CPAMD8: variants seen among roughly 807,000 people sequenced by gnomAD.
CPAMD8 encodes C3 and PZP like alpha-2-macroglobulin domain containing 8, also known as C3 and PZP-like alpha-2-macroglobulin domain-containing protein 8.
CPAMD8 carries 146 observed loss-of-function variants against 224.7 expected under a neutral mutation model. The observed-to-expected ratio is 0.65, with a 90% CI of 0.57 to 0.75. The LOEUF is 0.75. Ranked by LOEUF, CPAMD8 falls within the 30% of genes least tolerant of loss-of-function variation. The pLI is 0.00. For synonymous variants in CPAMD8, 966 were observed against 1,044.6 expected (o/e 0.92, Z 1.45); for missense variants, 2,301 against 2,537.5 (o/e 0.91, Z 2.00).
At position 16,959,720 on chromosome 19, in the gene CPAMD8, T is replaced by C. The variant is rs12981773; in HGVS notation, c.2214-1805A>G. 7.3e-3 allele frequency among the ~76,000 whole-genome samples: 1,111 copies of C among 152,068 alleles called. 6 individuals carry two copies. Among genetic ancestry groups the C allele is most frequent in the Non-Finnish European group, 9.3e-3 (633 of 68,008 alleles). ...CATGTCCGGCTAATTTTTGTATTTT[T>C]AGTAGAGATGGGGTTTCACCATATT... On this transcript the variant is annotated intron_variant, in intron 18 of 41. Transcript: ENST00000443236.
chr19:16,914,095 C>T (rs1213045754), intron 29 of CPAMD8, among the ~76,000 whole-genome samples: 1 of 152,108 alleles, frequency 6.6e-6, no homozygotes, highest in Non-Finnish European at 1.5e-5. Flanking sequence ...GGGTCACTGG[C>T]CAGGAACCTG....
At chr19:16,943,010 TC>T (rs1279899918) in intron 22 of CPAMD8, among the ~76,000 whole-genome samples, 4,609 of 88,164 alleles carry the variant, frequency 0.052, 254 homozygotes, top group African/African-American at 0.19. Flanking sequence ...TTTTCTTTTT[TC>T]TTTTTTTTTT....
chr19:16,944,520 C>T lies in CPAMD8; in HGVS notation c.2793+1029G>A, dbSNP rs531211845. The stretch of plus-strand genomic sequence containing the variant: ...CCAGGTTCTGCAGCTCGGAGGGGCT[C>T]GCTGCCTCCTTCTTGGGCCTTAGGA... On this transcript the variant is annotated intron_variant, in intron 22 of 41. Transcript: ENST00000443236. Among the ~76,000 whole-genome samples, 55 of 152,246 alleles carry T rather than the reference C, an allele frequency of 3.6e-4. No individual in the cohort carries two copies. The East Asian group carries it at 3.9e-3, about 11-fold the overall frequency.
At chr19:16,930,804 T>G (rs757313025) in intron 23 of CPAMD8, among the ~76,000 whole-genome samples, 3 of 152,090 alleles carry the variant, frequency 2.0e-5, no homozygotes, top group Non-Finnish European at 4.4e-5. Flanking sequence ...GGGCACCGTA[T>G]CGAGATCCTA....
Position 17,011,502 on chromosome 19 carries a change from A to G in CPAMD8, c.448T>C (p.Phe150Leu). 6.2e-7 allele frequency: 1 copy of G among 1,614,228 alleles called. No homozygotes were observed. The stretch of plus-strand genomic sequence containing the variant: ...GGCCTCAGATTTGGAGAGACGGTGA[A>G]GATGCTTATGAGCACTAGAAGAAAG... ...RPQHRVLISI[F>L]TVSPNLRPVN... The change falls in exon 5 of 42, where the codon TTC becomes CTC. Residue 150 changes from phenylalanine (F) to leucine (L), a missense_variant. Coordinates refer to ENST00000443236, the MANE Select transcript of CPAMD8 (RefSeq NM_015692.5).
rs936090447 is a variant in CPAMD8 at position 16,999,424 on chromosome 19, CA to C, written c.867+989del. On this transcript the variant is annotated intron_variant, in intron 10 of 41. Coordinates refer to ENST00000443236, the MANE Select transcript of CPAMD8 (RefSeq NM_015692.5). The stretch of plus-strand genomic sequence containing the variant: ...TGAAACCCCGTCTCTACTAAAAATA[CA>C]AAAAAAAAAATTAGCCGGGTGTTGT... Among the ~76,000 whole-genome samples, 553 of 144,650 alleles carry C rather than the reference CA, an allele frequency of 3.8e-3. 1 individual carries two copies. Among genetic ancestry groups the C allele is most frequent in the Middle Eastern group, 3.6e-3 (1 of 280 alleles). The allele number at this position is 144,650 out of a possible 152,430, so 94.9% of individuals were successfully genotyped here.
At chr19:16,926,552 G>A (rs537864118) in intron 25 of CPAMD8, among the ~76,000 whole-genome samples, 135 of 152,088 alleles carry the variant, frequency 8.9e-4, no homozygotes, top group Non-Finnish European at 1.2e-3. Flanking sequence ...TCTTGATCTC[G>A]TTATCCACCT....
At chr19:16,997,397 G>A in intron 10 of CPAMD8, 59 bp from the exon 11 acceptor site, 1 of 1,018,894 alleles carries the variant, frequency 9.8e-7, no homozygotes, top group Non-Finnish European at 1.5e-6. Flanking sequence ...TTTGAGGGAT[G>A]TCCCTGAAAC....
chr19:17,014,115 G>A (rs910281394), intron 3 of CPAMD8, among the ~76,000 whole-genome samples: 2 of 152,000 alleles, frequency 1.3e-5, no homozygotes, highest in African/African-American at 2.4e-5. Context: ...CCAATGGTGC[G>A]ATCAGAGCTC....
At chr19:16,944,136 G>A (rs962219694) in intron 22 of CPAMD8, among the ~76,000 whole-genome samples, 6 of 152,288 alleles carry the variant, frequency 3.9e-5, no homozygotes, top group Admixed American at 1.3e-4. Context: ...CCCATGCATC[G>A]TATTCAGCTT....
At chr19:16,941,074 G>A (rs889935459) in intron 22 of CPAMD8, among the ~76,000 whole-genome samples, 30 of 152,162 alleles carry the variant, frequency 2.0e-4, no homozygotes, top group Admixed American at 5.2e-4. Flanking sequence ...GGGATTACAG[G>A]TGCCTGCCAC....
At position 16,899,355 on chromosome 19, in the gene CPAMD8, C is replaced by T; in HGVS notation, c.4848+120G>A. ...TACAGGCATGAGCCACCATGCCCGG[C>T]CCCAGTGTCTTTTTTATGGTACAAG... On this transcript the variant is annotated intron_variant, in intron 37 of 41. Coordinates refer to ENST00000443236, the MANE Select transcript of CPAMD8 (RefSeq NM_015692.5). The surrounding 1 kb of genome is among the most constrained non-coding windows in gnomAD (Gnocchi z 5.4). The T allele has an allele frequency of 1.6e-6, 1 of 644,320 alleles. No homozygotes were observed. The highest frequency in any genetic ancestry group is 2.9e-6 in the Non-Finnish European group (1 of 347,486). 39.9% of individuals were successfully genotyped at this position (644,320 alleles called of 1,614,324 possible). A position where few individuals can be genotyped will look rare whatever the true frequency, so the allele number is the denominator to read the frequency against.
intron 14 of CPAMD8, among the ~76,000 whole-genome samples, chr19:16,979,768 T>G (rs145926320): frequency 2.0e-5 from 3 of 151,708 alleles, no homozygotes; most frequent in African/African-American, 7.3e-5. Context: ...CTTGCCCAAA[T>G]GTTGATAGTG....
At chr19:16,896,769 C>T (rs1259804586) in intron 39 of CPAMD8, 104 bp from the exon 40 acceptor site, 2 of 793,338 alleles carry the variant, frequency 2.5e-6, no homozygotes, top group African/African-American at 1.8e-5. Context: ...GGGCCCACTA[C>T]CCCCTCGGTG....
In CPAMD8 at chr19:16,952,150, G is replaced by C; in HGVS notation, c.2327C>G (p.Thr776Ser). Residue 776 changes from threonine (T) to serine (S), a missense_variant, in exon 20 of 42, where the codon ACC becomes AGC. Thr to Ser is a moderately conservative substitution (Grantham distance 58). Coordinates refer to ENST00000443236, the MANE Select transcript of CPAMD8 (RefSeq NM_015692.5). Reference sequence around the variant, plus strand: ...GGCCACGGCCTCACCCACCCAGCTGGTGATGGAGTCCGGGACCTTCACACT... The same window carrying C: ...GGCCACGGCCTCACCCACCCAGCTGCTGATGGAGTCCGGGACCTTCACACT... ...TLSVKVPDSITSWVGEAVALS... is the reference protein window; with the variant it reads ...TLSVKVPDSISSWVGEAVALS... The C allele has an allele frequency of 6.4e-7, 1 of 1,551,576 alleles. No individual in the cohort carries two copies. The highest frequency in any genetic ancestry group is 8.7e-7 in the Non-Finnish European group (1 of 1,146,854).
intron 18 of CPAMD8, among the ~76,000 whole-genome samples, chr19:16,963,043 C>T (rs1599792987): frequency 1.3e-5 from 2 of 152,146 alleles, no homozygotes; most frequent in South Asian, 4.1e-4. Context: ...CTGAAGGAAG[C>T]ACTAAACATA....
intron 13 of CPAMD8, among the ~76,000 whole-genome samples, chr19:16,984,710 A>C (rs761890968): frequency 6.6e-6 from 1 of 152,148 alleles, no homozygotes; most frequent in Non-Finnish European, 1.5e-5. Context: ...TAAACAACCC[A>C]ATTATTAACA....
At position 17,002,688 on chromosome 19, in the gene CPAMD8, G is replaced by A. The variant is rs550148764; in HGVS notation, c.674-338C>T. ...CTGTGTCTGTGCATGGGATAGAGGT[G>A]GCCCTGGGAGCCAACAAGGGGCATC... On this transcript the variant is annotated intron_variant, in intron 8 of 41. Coordinates refer to ENST00000443236, the MANE Select transcript of CPAMD8 (RefSeq NM_015692.5). Among the ~76,000 whole-genome samples the A allele has an allele frequency of 3.9e-5, 6 of 152,184 alleles. No individual in the cohort carries two copies. In the East Asian group the frequency reaches 1.2e-3, roughly 29 times the overall value.
chr19:16,989,895 A>C (rs1599858514), intron 12 of CPAMD8, 124 bp from the exon 13 acceptor site: 2 of 885,610 alleles, frequency 2.3e-6, no homozygotes, highest in Non-Finnish European at 3.6e-6. Flanking sequence ...CCTTTGGGGA[A>C]CCCCCTCCCC....
Sources: allele counts gnomAD v4.1 joint callset (sites outside exome capture counted in the v4.1 genomes callset), GRCh38; gene constraint gnomAD v4.1.1; non-coding constraint Gnocchi (gnomAD v3.1); transcripts MANE v1.5; gene names NCBI Gene and HGNC (gene_info 2026-07-23, HGNC 2026-07-21).